GTF2A1L: variants seen among roughly 807,000 people sequenced by gnomAD.
The protein encoded by GTF2A1L is TFIIA-alpha and beta-like factor.
In GTF2A1L, 48 loss-of-function variants were observed where a neutral mutation model predicts 49.7. The observed-to-expected ratio is 0.97, with a 90% confidence interval of 0.77 to 1.23. The LOEUF (loss-of-function observed/expected upper bound fraction) is 1.23, where lower values mean the gene tolerates loss of function less well. Among genes scored for constraint, GTF2A1L ranks in the 50% most tolerant of loss-of-function variants. The pLI is 0.00. For missense variants in GTF2A1L, 736 were observed against 564.8 expected (o/e 1.30, Z -3.07); for synonymous variants, 246 against 193.5 (o/e 1.27, Z -2.25).
chr2:48,622,611 A>G (rs1676066936), intron 3 of GTF2A1L, among the ~76,000 whole-genome samples: 1 of 152,202 alleles, frequency 6.6e-6, no homozygotes, highest in Non-Finnish European at 1.5e-5. Context: ...ACCTGAGGTC[A>G]GGAGTTCTAG....
At chr2:48,673,182 C>G (rs190377590) in intron 8 of GTF2A1L, among the ~76,000 whole-genome samples, 106 of 152,150 alleles carry the variant, frequency 7.0e-4, no homozygotes, top group Non-Finnish European at 1.2e-3. Flanking sequence ...ACCACATTTT[C>G]TTTTTCCGTT....
At chr2:48,677,143 T>C (rs1679510639) in intron 8 of GTF2A1L, among the ~76,000 whole-genome samples, 2 of 151,986 alleles carry the variant, frequency 1.3e-5, no homozygotes, top group South Asian at 4.1e-4. Flanking sequence ...GTAAGGTTAG[T>C]AATTCTTTAC....
At chr2:48,673,359 CTTTTT>C (rs34493140) in intron 8 of GTF2A1L, among the ~76,000 whole-genome samples, 3 of 109,696 alleles carry the variant, frequency 2.7e-5, no homozygotes, top group Non-Finnish European at 1.7e-5. Flanking sequence ...ACACAGGAAA[CTTTTT>C]TTTTTTTTTT....
intron 8 of GTF2A1L, among the ~76,000 whole-genome samples, chr2:48,678,859 C>G (rs1166839794): frequency 6.6e-6 from 1 of 151,922 alleles, no homozygotes; most frequent in African/African-American, 2.4e-5. Flanking sequence ...CAGGCATGCC[C>G]CTCTTTAGGA....
chr2:48,677,211 A>C (rs1045832890), intron 8 of GTF2A1L, among the ~76,000 whole-genome samples: 2 of 151,976 alleles, frequency 1.3e-5, no homozygotes. Flanking sequence ...TTAACTCCAG[A>C]ATCAACTTGT....
chr2:48,660,238 C>T (rs901192301), intron 6 of GTF2A1L, among the ~76,000 whole-genome samples: 1 of 151,994 alleles, frequency 6.6e-6, no homozygotes, highest in Admixed American at 6.6e-5. Flanking sequence ...AAGTATTGGT[C>T]TGTAATTTTT....
At chr2:48,664,319 T>G (rs1481940828) in intron 6 of GTF2A1L, among the ~76,000 whole-genome samples, 1 of 151,548 alleles carries the variant, frequency 6.6e-6, no homozygotes, top group African/African-American at 2.4e-5. Flanking sequence ...AATGTAGTTT[T>G]TTTTTTTTTA....
At chr2:48,633,960 TTTG>T (rs1265565228) in intron 3 of GTF2A1L, among the ~76,000 whole-genome samples, 1 of 152,182 alleles carries the variant, frequency 6.6e-6, no homozygotes, top group Non-Finnish European at 1.5e-5. Flanking sequence ...CTGCTCTTTT[TTTG>T]TTTTCTATTT....
chr2:48,672,728 T>A (rs12473878), intron 8 of GTF2A1L, among the ~76,000 whole-genome samples: 15,197 of 152,054 alleles, frequency 0.1, 1,139 homozygotes, highest in African/African-American at 0.21. Context: ...CAAATGGGAG[T>A]TTTTGTCCTT....
intron 7 of GTF2A1L, 57 bp downstream of exon 7, chr2:48,670,039 AT>A (rs773219428): frequency 6.5e-7 from 1 of 1,540,580 alleles, no homozygotes. Flanking sequence ...TTTCTACTTT[AT>A]TATGCCTTGG....
chr2:48,649,639 A>C (rs1271326852), intron 6 of GTF2A1L, among the ~76,000 whole-genome samples: 1 of 152,212 alleles, frequency 6.6e-6, no homozygotes, highest in Non-Finnish European at 1.5e-5. Context: ...GCACACTGGC[A>C]CCGTGGTAAA....
intron 3 of GTF2A1L, among the ~76,000 whole-genome samples, chr2:48,635,527 G>C (rs1425673155): frequency 6.6e-6 from 1 of 152,098 alleles, no homozygotes; most frequent in Non-Finnish European, 1.5e-5. Flanking sequence ...TTCAGTTTCA[G>C]ATTGCCAAGC....
At chr2:48,665,805 A>G (rs771524790) in intron 6 of GTF2A1L, among the ~76,000 whole-genome samples, 5 of 152,102 alleles carry the variant, frequency 3.3e-5, no homozygotes, top group Non-Finnish European at 7.4e-5. Flanking sequence ...TTCTCTATAT[A>G]TTAATTAGGT....
chr2:48,624,459 TATA>T (rs1676189838), intron 3 of GTF2A1L, among the ~76,000 whole-genome samples: 13 of 138,656 alleles, frequency 9.4e-5, no homozygotes, highest in African/African-American at 3.3e-4. Context: ...AGTGCTTTGA[TATA>T]GATAGATAGA....
At chr2:48,642,858 A>G (rs527603511) in intron 4 of GTF2A1L, among the ~76,000 whole-genome samples, 1,122 of 81,714 alleles carry the variant, frequency 0.014, 12 homozygotes, top group African/African-American at 0.047. Flanking sequence ...TTCTGTCTCA[A>G]AGAAAAAAAA....
At chr2:48,671,739 T>C in intron 8 of GTF2A1L, 59 bp downstream of exon 8, 2 of 1,432,186 alleles carry the variant, frequency 1.4e-6, no homozygotes, top group Non-Finnish European at 1.9e-6. Context: ...TAGAAAGGTA[T>C]GTAAAATGAT....
In GTF2A1L at chr2:48,626,236, G is replaced by GT. The variant is rs539483082; in HGVS notation, c.247+4951dup. Reference sequence around the variant, plus strand: ...TACTGTTCTGCTGGTCTTTGTGTCTGTTTTTGTCAGTGCCATACTGTTTTG... The same window carrying GT: ...TACTGTTCTGCTGGTCTTTGTGTCTGTTTTTTGTCAGTGCCATACTGTTTTG... On this transcript the variant is annotated intron_variant, in intron 3 of 8. Coordinates refer to ENST00000403751, the MANE Select transcript of GTF2A1L (RefSeq NM_006872.5). Among the ~76,000 whole-genome samples the GT allele has an allele frequency of 1.4e-5, 2 of 143,762 alleles. 1 individual carries two copies. Among genetic ancestry groups the GT allele is most frequent in the Non-Finnish European group, 3.1e-5 (2 of 63,898 alleles). The allele number at this position is 143,762 out of a possible 152,430, so 94.3% of individuals were successfully genotyped here. A position where few individuals can be genotyped will look rare whatever the true frequency, so the allele number is the denominator to read the frequency against.
intron 4 of GTF2A1L, among the ~76,000 whole-genome samples, chr2:48,643,880 G>C (rs1299320236): frequency 3.2e-4 from 49 of 151,980 alleles, no homozygotes. Context: ...TTGTATTTTA[G>C]TTGAGATGGG....
intron 6 of GTF2A1L, among the ~76,000 whole-genome samples, chr2:48,664,061 T>G (rs563992346): frequency 1.3e-5 from 2 of 152,318 alleles, no homozygotes; most frequent in African/African-American, 4.8e-5. Context: ...CATTTGGGGT[T>G]GCTTTATGTA....
Sources: allele counts gnomAD v4.1 joint callset (sites outside exome capture counted in the v4.1 genomes callset), GRCh38; gene constraint gnomAD v4.1.1; transcripts MANE v1.5; gene names NCBI Gene and HGNC (gene_info 2026-07-23, HGNC 2026-07-21).